Variants in KAT7 observed in about 807,000 individuals in gnomAD.
KAT7 encodes the protein histone acetyltransferase KAT7.
In KAT7, 10 loss-of-function variants were observed where a neutral mutation model predicts 82.1. The observed-to-expected ratio is 0.12, with a 90% CI of 0.08 to 0.21. KAT7 has a LOEUF of 0.21. Among genes scored for constraint, KAT7 ranks in the 10% least tolerant of loss-of-function variants. The probability of loss-of-function intolerance (pLI) is 1.00; values close to 1 mark genes in which losing one functional copy is unlikely to be tolerated. For synonymous variants in KAT7, 250 were observed against 262.5 expected (o/e 0.95, Z 0.46); for missense variants, 378 against 760.9 (o/e 0.50, Z 5.92).
intron 8 of KAT7, among the ~76,000 whole-genome samples, chr17:49,817,238 T>TA (rs1047034782): frequency 3.9e-5 from 6 of 152,330 alleles, no homozygotes; most frequent in Admixed American, 3.3e-4. Context: ...TCTAGGCTGA[T>TA]AAAAATGAAG....
rs1014038443 is a variant in KAT7, at chr17:49,830,698, G to A, written c.*3196G>A. The A allele has an allele frequency of 6.6e-6, 1 of 152,168 alleles. No individual in the cohort carries two copies. The highest frequency in any genetic ancestry group is 1.5e-5 in the Non-Finnish European group (1 of 68,060). 9.4% of individuals were successfully genotyped at this position (152,168 alleles called of 1,614,324 possible). A position where few individuals can be genotyped will look rare whatever the true frequency, so the allele number is the denominator to read the frequency against. ...TAGATGGGTACACTGGTTTGCCAAA[G>A]GAGACCTGGAATCCAAGGTGGAAGT... is the stretch of plus-strand genomic sequence containing the variant. On this transcript the variant is annotated 3_prime_UTR_variant, in exon 15 of 15. Transcript: ENST00000259021.
chr17:49,825,701 A>G (rs554785575), intron 12 of KAT7, among the ~76,000 whole-genome samples: 2 of 152,366 alleles, frequency 1.3e-5, no homozygotes, highest in East Asian at 1.9e-4. Context: ...AGGAAAATAC[A>G]TAGTATATAT....
intron 4 of KAT7, among the ~76,000 whole-genome samples, chr17:49,800,244 C>T (rs2074007732): frequency 6.6e-6 from 1 of 152,020 alleles, no homozygotes; most frequent in South Asian, 2.1e-4. Context: ...ATCTCCTGAC[C>T]TCGTGATCCG....
At chr17:49,805,697 C>A (rs2074083169) in intron 5 of KAT7, among the ~76,000 whole-genome samples, 1 of 152,162 alleles carries the variant, frequency 6.6e-6, no homozygotes, top group South Asian at 2.1e-4. Context: ...GGAACATCAG[C>A]CACTAGTGCA....
intron 4 of KAT7, among the ~76,000 whole-genome samples, chr17:49,800,756 A>G (rs567473229): frequency 6.6e-6 from 1 of 152,300 alleles, no homozygotes. Context: ...AGGCAAATAG[A>G]TAGACGTGTA....
chr17:49,789,159 C>A (rs2073849629), intron 1 of KAT7: 2 of 268,388 alleles, frequency 7.5e-6, no homozygotes, highest in Admixed American at 5.4e-5. Context: ...CGGTCACCTC[C>A]CCGCGTGCGG....
At chr17:49,816,092 T>C (rs923417255) in intron 8 of KAT7, among the ~76,000 whole-genome samples, 179 bp downstream of exon 8, 11 of 152,156 alleles carry the variant, frequency 7.2e-5, no homozygotes, top group African/African-American at 2.7e-4. Flanking sequence ...TTAAAATGAA[T>C]CACCCCTCCT....
intron 2 of KAT7, among the ~76,000 whole-genome samples, chr17:49,792,537 GC>G (rs773226894): frequency 1.5e-4 from 23 of 151,940 alleles, no homozygotes; most frequent in Non-Finnish European, 3.1e-4. Context: ...TGATATGTGG[GC>G]CAAATATTTT....
intron 9 of KAT7, among the ~76,000 whole-genome samples, chr17:49,818,792 G>A (rs2074265669): frequency 6.6e-6 from 1 of 151,438 alleles, no homozygotes; most frequent in Non-Finnish European, 1.5e-5. Flanking sequence ...AGGCTGGAGT[G>A]CAGTGGCGCG....
intron 4 of KAT7, among the ~76,000 whole-genome samples, chr17:49,803,580 A>G (rs951488168): frequency 5.3e-4 from 81 of 151,868 alleles, no homozygotes; most frequent in Middle Eastern, 3.4e-3. Flanking sequence ...ACCCGCCACC[A>G]CACCCGGCTA....
rs1336855496 is a variant in KAT7, at chr17:49,823,390, A to C, written c.1480+95A>C. ...CTGTGGTCTCTGCAATTCCTGGAATATAGTGAAGGTACATGGATATTTAGT... is the reference window on the plus strand; with the variant it reads ...CTGTGGTCTCTGCAATTCCTGGAATCTAGTGAAGGTACATGGATATTTAGT... On this transcript the variant is annotated intron_variant, in intron 12 of 14. Transcript: ENST00000259021. 8.2e-6 allele frequency: 6 copies of C among 731,066 alleles called. No individual in the cohort carries two copies. The East Asian group carries it at 1.2e-4, about 15-fold the overall frequency. 45.3% of individuals were successfully genotyped at this position (731,066 alleles called of 1,614,324 possible). A position where few individuals can be genotyped will look rare whatever the true frequency, so the allele number is the denominator to read the frequency against.
intron 3 of KAT7, among the ~76,000 whole-genome samples, chr17:49,797,343 A>G (rs1049042307): frequency 5.3e-5 from 8 of 152,154 alleles, no homozygotes; most frequent in African/African-American, 1.9e-4. Flanking sequence ...GATTACAGGT[A>G]TAAGCCACCA....
chr17:49,795,155 C>T (rs8081972), intron 2 of KAT7, among the ~76,000 whole-genome samples: 2 of 152,020 alleles, frequency 1.3e-5, no homozygotes, highest in African/African-American at 4.8e-5. Context: ...TGACTGTTCT[C>T]ACCACAAAGA....
chr17:49,834,114 T>C lies in KAT7; in HGVS notation c.*6612T>C, dbSNP rs530762501. 10 of 152,356 alleles carry C rather than the reference T, an allele frequency of 6.6e-5. No individual in the cohort carries two copies. The highest frequency in any genetic ancestry group is 5.9e-4 in the Admixed American group (9 of 15,302). The allele number at this position is 152,356 out of a possible 1,614,324, so 9.4% of individuals were successfully genotyped here. A position where few individuals can be genotyped will look rare whatever the true frequency, so the allele number is the denominator to read the frequency against. On this transcript the variant is annotated 3_prime_UTR_variant, in exon 15 of 15. Coordinates refer to ENST00000259021, the MANE Select transcript of KAT7 (RefSeq NM_007067.5). Reference sequence around the variant, plus strand: ...ACCTCCTTAAGCGGATCAGGAAAACTGAAGAATATCCTTCTGTATGTATGT... The same window carrying C: ...ACCTCCTTAAGCGGATCAGGAAAACCGAAGAATATCCTTCTGTATGTATGT...
At chr17:49,821,917 T>TG in intron 11 of KAT7, 127 bp downstream of exon 11, 1 of 718,856 alleles carries the variant, frequency 1.4e-6, no homozygotes, top group East Asian at 2.9e-5. Context: ...CTTCCTTAAA[T>TG]TAAAAAAAAA....
At chr17:49,809,994 T>C (rs147540608) in intron 6 of KAT7, among the ~76,000 whole-genome samples, 63 of 152,356 alleles carry the variant, frequency 4.1e-4, no homozygotes, top group African/African-American at 1.3e-3. Flanking sequence ...AGCAGAGATA[T>C]ATGGTGATGA....
Position 49,791,937 on chromosome 17 carries a change from G to T in KAT7, c.67G>T (p.Asp23Tyr). The T allele has an allele frequency of 6.2e-7, 1 of 1,614,210 alleles. No homozygotes were observed. The highest frequency in any genetic ancestry group is 8.5e-7 in the Non-Finnish European group (1 of 1,180,006). The part of the protein sequence containing the change: ...DGTEDSDFST[D>Y]LEHTDSSESD... ...AACCGAAGATTCCGATTTTTCTACA[G>T]ATCTCGAGCACACAGACAGTTCAGA... is the stretch of plus-strand genomic sequence containing the variant. Residue 23 changes from aspartate (D) to tyrosine (Y), a missense_variant, in exon 2 of 15, where the codon GAT (aspartate) becomes TAT (tyrosine). By Grantham distance (160) the Asp-to-Tyr change is radical. This residue lies in a region of KAT7 where 161 missense variants were observed against 229.6 expected (regional missense o/e 0.70). Coordinates refer to ENST00000259021, the MANE Select transcript of KAT7 (RefSeq NM_007067.5).
At chr17:49,811,652 C>G in intron 7 of KAT7, 78 bp downstream of exon 7, 1 of 690,384 alleles carries the variant, frequency 1.4e-6, no homozygotes, top group South Asian at 3.7e-5. Context: ...GAGCTTCTGC[C>G]TTTCAGATTT....
At chr17:49,817,356 C>G (rs747924808) in intron 8 of KAT7, among the ~76,000 whole-genome samples, 5 of 152,152 alleles carry the variant, frequency 3.3e-5, no homozygotes, top group Non-Finnish European at 7.3e-5. Context: ...TTCTGTACAC[C>G]TGTGTGATTT....
Sources: gnomAD v4.1 joint callset for allele counts (sites outside exome capture counted in the v4.1 genomes callset) on GRCh38, gnomAD v4.1.1 for gene constraint, gnomAD v4.1.1 regional missense constraint, MANE v1.5 for transcripts, NCBI Gene and HGNC (gene_info 2026-07-23, HGNC 2026-07-21) for gene names.